Variants in FIGNL2 observed in about 807,000 individuals in gnomAD.
FIGNL2 encodes fidgetin-like protein 2.
For missense variants in FIGNL2, 1,060 were observed against 950.2 expected (o/e 1.12, Z -1.52); for synonymous variants, 565 against 484.0 (o/e 1.17, Z -2.20).
chr12:51,843,398 A>G (rs1335794702), intron 1 of FIGNL2, among the ~76,000 whole-genome samples: 3 of 138,324 alleles, frequency 2.2e-5, no homozygotes, highest in African/African-American at 8.3e-5. Context: ...AAAAAAAAAA[A>G]TTAGCTGGGC....
At chr12:51,830,654 G>A (rs1019967093) in intron 1 of FIGNL2, among the ~76,000 whole-genome samples, 2 of 151,574 alleles carry the variant, frequency 1.3e-5, no homozygotes, top group Non-Finnish European at 2.9e-5. Flanking sequence ...ACTACACCCA[G>A]CTAATTTTCT....
At chr12:51,840,869 C>T (rs1204144189) in intron 1 of FIGNL2, among the ~76,000 whole-genome samples, 1 of 152,224 alleles carries the variant, frequency 6.6e-6, no homozygotes, top group Non-Finnish European at 1.5e-5. Context: ...GTTTTAGGAT[C>T]CAAGGTTGAC....
intron 1 of FIGNL2, chr12:51,824,397 A>T (rs912038073): frequency 4.6e-5 from 7 of 152,242 alleles, no homozygotes; most frequent in African/African-American, 1.7e-4. Context: ...TCTCTACTTC[A>T]GGTGACTGTG....
chr12:51,848,671 G>C lies in FIGNL2; in HGVS notation c.-143C>G. ...GGGCAGTGGCGCTCACCATCCTGGAGCCGCTGCTGCTGCGGCTGCTGCGGC... is the reference window on the plus strand; with the variant it reads ...GGGCAGTGGCGCTCACCATCCTGGACCCGCTGCTGCTGCGGCTGCTGCGGC... On this transcript the variant is annotated 5_prime_UTR_variant, in exon 1 of 2. Coordinates refer to ENST00000618634, the MANE Select transcript of FIGNL2 (RefSeq NM_001384995.1). The C allele has an allele frequency of 2.4e-6, 1 of 419,904 alleles. No homozygotes were observed. Among genetic ancestry groups the C allele is most frequent in the Non-Finnish European group, 3.2e-6 (1 of 313,022 alleles). 26.0% of individuals were successfully genotyped at this position (419,904 alleles called of 1,614,324 possible).
At chr12:51,824,257 G>A (rs1939287378) in intron 1 of FIGNL2, 1 of 152,174 alleles carries the variant, frequency 6.6e-6, no homozygotes, top group African/African-American at 2.4e-5. Context: ...GAAATGTTGG[G>A]TCACCAGAGC....
chr12:51,820,562 G>C lies in FIGNL2; in HGVS notation c.1852C>G (p.Leu618Val), dbSNP rs1297629673. The C allele has an allele frequency of 1.3e-6, 2 of 1,534,536 alleles. No individual in the cohort carries two copies. The highest frequency in any genetic ancestry group is 2.4e-5 in the South Asian group (2 of 84,038). ...GCCGCCTCCAGGTCCTTGTAGGAGA[G>C]GGGGCGCTGCAGCCCCGGGAGGCCC... Reference protein sequence around the residue: ...GAGLPGLQRPLSYKDLEAALA... With the variant: ...GAGLPGLQRPVSYKDLEAALA... The change falls in exon 2 of 2, where the codon CTC (leucine) becomes GTC (valine). Residue 618 changes from leucine to valine, a missense_variant. Physicochemically the swap from Leu to Val is conservative, Grantham distance 32. Transcript: ENST00000618634.
In FIGNL2 at chr12:51,819,385, T is replaced by G. The variant is rs1179332584; in HGVS notation, c.*1067A>C. ...CCCCACAGCCCACTCCCCACATTCA[T>G]GCCTAGGCCTCGGCCCTGGGGAGGA... On this transcript the variant is annotated 3_prime_UTR_variant, in exon 2 of 2. Coordinates refer to ENST00000618634, the MANE Select transcript of FIGNL2 (RefSeq NM_001384995.1). 2 of 152,670 alleles carry G rather than the reference T, an allele frequency of 1.3e-5. No homozygotes were observed. Among genetic ancestry groups the G allele is most frequent in the African/African-American group, 4.8e-5 (2 of 41,446 alleles). 9.5% of individuals were successfully genotyped at this position (152,670 alleles called of 1,614,324 possible). A position where few individuals can be genotyped will look rare whatever the true frequency, so the allele number is the denominator to read the frequency against.
At chr12:51,838,472 C>T (rs555334883) in intron 1 of FIGNL2, among the ~76,000 whole-genome samples, 43 of 152,180 alleles carry the variant, frequency 2.8e-4, no homozygotes, top group South Asian at 8.3e-4. Context: ...GACTGACCCA[C>T]GGCTTGCAGG....
intron 1 of FIGNL2, chr12:51,848,067 C>A (rs957657954): frequency 1.5e-4 from 140 of 914,446 alleles, no homozygotes; most frequent in Non-Finnish European, 1.7e-4. Flanking sequence ...GGCCAGTAAC[C>A]CAGCCCCCAC....
At chr12:51,843,544 CAAA>C (rs5798189) in intron 1 of FIGNL2, among the ~76,000 whole-genome samples, 1 of 125,066 alleles carries the variant, frequency 8.0e-6, no homozygotes, top group Non-Finnish European at 1.7e-5. Flanking sequence ...GAGACAATCT[CAAA>C]AAAAAAAAAA....
In FIGNL2 at chr12:51,822,333, C is replaced by T. The variant is rs746362945; in HGVS notation, c.81G>A (p.Ser27=). 5.0e-6 allele frequency: 8 copies of T among 1,613,094 alleles called. No individual in the cohort carries two copies. The highest frequency in any genetic ancestry group is 6.8e-6 in the Non-Finnish European group (8 of 1,179,678). Residue 27 remains serine, a synonymous_variant, in exon 2 of 2, where the codon TCG becomes TCA. Transcript: ENST00000618634. The part of the protein sequence containing the change: ...QHLDVSSTTP[S]PAHKLELPPG... ...GGGGCAACTCCAACTTGTGGGCCGG[C>T]GACGGGGTGGTGGAGGAGACGTCCA... is the stretch of plus-strand genomic sequence containing the variant.
chr12:51,823,856 G>C (rs1939276790), intron 1 of FIGNL2, among the ~76,000 whole-genome samples: 1 of 152,186 alleles, frequency 6.6e-6, no homozygotes, highest in African/African-American at 2.4e-5. Flanking sequence ...CAGTCGGGTG[G>C]AGAAGACAGG....
chr12:51,840,053 G>A (rs570818181), intron 1 of FIGNL2, among the ~76,000 whole-genome samples: 6 of 152,332 alleles, frequency 3.9e-5, no homozygotes, highest in South Asian at 2.1e-4. Flanking sequence ...TTGACTCTGC[G>A]CTTTGCCCTG....
chr12:51,821,777 G>T lies in FIGNL2; in HGVS notation c.637C>A (p.Gln213Lys), dbSNP rs1939207637. 1 of 1,279,156 alleles carries T rather than the reference G, an allele frequency of 7.8e-7. No homozygotes were observed. The allele number at this position is 1,279,156 out of a possible 1,614,324, so 79.2% of individuals were successfully genotyped here. Residue 213 changes from glutamine (Q) to lysine (K), a missense_variant, in exon 2 of 2, where the codon CAG becomes AAG. Gln to Lys is a moderately conservative substitution (Grantham distance 53). Coordinates refer to ENST00000618634, the MANE Select transcript of FIGNL2 (RefSeq NM_001384995.1). ...YNYPAGGYAA[Q>K]PGYGALPPPP... ...GGCGGGAGCGCGCCATAGCCGGGCT[G>T]CGCTGCGTAGCCCCCTGCGGGATAG... is the stretch of plus-strand genomic sequence containing the variant.
chr12:51,835,917 T>C (rs1363629786), intron 1 of FIGNL2, among the ~76,000 whole-genome samples: 2 of 152,058 alleles, frequency 1.3e-5, no homozygotes, highest in Non-Finnish European at 2.9e-5. Flanking sequence ...AGTGATTGAT[T>C]CTCCTGCCTC....
chr12:51,845,080 C>T (rs935511777), intron 1 of FIGNL2, among the ~76,000 whole-genome samples: 2 of 152,174 alleles, frequency 1.3e-5, no homozygotes, highest in African/African-American at 2.4e-5. Context: ...TGTCAATTAA[C>T]GGAAGTGCAT....
At position 51,821,028 on chromosome 12, in the gene FIGNL2, A is replaced by T. The variant is rs1939166474; in HGVS notation, c.1386T>A (p.Ala462=). Residue 462 remains alanine, a synonymous_variant, in exon 2 of 2, where the codon GCT becomes GCA. Transcript: ENST00000618634. ...TLLRLRGATL[A]APGAAEGARL... ...GCGCGCCCTCGGCGGCGCCGGGCGC[A>T]GCCAGGGTCGCGCCGCGCAGGCGCA... is the stretch of plus-strand genomic sequence containing the variant. 1.7e-6 allele frequency: 2 copies of T among 1,179,700 alleles called. No individual in the cohort carries two copies. The highest frequency in any genetic ancestry group is 3.4e-4 in the Middle Eastern group (1 of 2,950). The allele number at this position is 1,179,700 out of a possible 1,614,324, so 73.1% of individuals were successfully genotyped here. A position where few individuals can be genotyped will look rare whatever the true frequency, so the allele number is the denominator to read the frequency against.
Position 51,821,457 on chromosome 12 carries a change from C to T in FIGNL2, c.957G>A (p.Glu319=). The part of the protein sequence containing the change: ...FRAKPPGAAE[E]ASGKYGGGVP... ...CGCCGCCACCGTACTTGCCCGACGC[C>T]TCCTCCGCGGCTCCTGGCGGCTTGG... is the stretch of plus-strand genomic sequence containing the variant. The change falls in exon 2 of 2, where the codon GAG becomes GAA. Residue 319 remains glutamate, a synonymous_variant. Transcript: ENST00000618634. The T allele has an allele frequency of 6.5e-7, 1 of 1,539,856 alleles. No homozygotes were observed. The highest frequency in any genetic ancestry group is 1.4e-5 in the African/African-American group (1 of 71,414).
chr12:51,848,044 T>G, intron 1 of FIGNL2: 1 of 822,782 alleles, frequency 1.2e-6, no homozygotes, highest in Non-Finnish European at 1.5e-6. Context: ...GTCACCATGC[T>G]GGGGAATCTC....
Sources: allele counts gnomAD v4.1 joint callset (sites outside exome capture counted in the v4.1 genomes callset), GRCh38; gene constraint gnomAD v4.1.1; transcripts MANE v1.5; gene names NCBI Gene and HGNC (gene_info 2026-07-23, HGNC 2026-07-21).